ARHGAP20: variants seen among roughly 807,000 people sequenced by gnomAD.
ARHGAP20 encodes rho GTPase-activating protein 20.
In ARHGAP20, 34 loss-of-function variants were observed where a neutral mutation model predicts 73.7. The ratio of observed to expected loss-of-function variants is 0.46; its 90% CI spans 0.35 to 0.61. The LOEUF (loss-of-function observed/expected upper bound fraction) is 0.61, where lower values mean the gene tolerates loss of function less well. Among genes scored for constraint, ARHGAP20 ranks in the 20% least tolerant of loss-of-function variants. The pLI is 0.00. For missense variants in ARHGAP20, 1,314 were observed against 1,420.9 expected (o/e 0.92, Z 1.21); for synonymous variants, 523 against 518.2 (o/e 1.01, Z -0.13).
intron 1 of ARHGAP20, chr11:110,711,857 G>T: frequency 7.6e-7 from 1 of 1,318,302 alleles, no homozygotes; most frequent in Non-Finnish European, 9.6e-7. Flanking sequence ...AACCGGCGGC[G>T]GATGGAGACG....
chr11:110,659,917 G>C (rs1949561948), intron 2 of ARHGAP20, among the ~76,000 whole-genome samples: 1 of 151,062 alleles, frequency 6.6e-6, no homozygotes, highest in Admixed American at 6.6e-5. Flanking sequence ...GGTGGGGGGA[G>C]TGGGGAGGGA....
chr11:110,624,548 C>T (rs1165231944), intron 3 of ARHGAP20, among the ~76,000 whole-genome samples: 2 of 151,216 alleles, frequency 1.3e-5, no homozygotes, highest in East Asian at 1.9e-4. Flanking sequence ...ACTTAGAGGA[C>T]GGGTCAATAG....
intron 2 of ARHGAP20, among the ~76,000 whole-genome samples, chr11:110,686,500 T>A (rs1392192818): frequency 6.6e-6 from 1 of 152,144 alleles, no homozygotes; most frequent in African/African-American, 2.4e-5. Flanking sequence ...TTTTCTTTTA[T>A]AACAAATATG....
intron 2 of ARHGAP20, among the ~76,000 whole-genome samples, chr11:110,657,748 A>G (rs1394567448): frequency 6.6e-6 from 1 of 152,068 alleles, no homozygotes; most frequent in Non-Finnish European, 1.5e-5. Flanking sequence ...TACAAAAATT[A>G]GCCCGGTGTG....
At chr11:110,693,909 A>G (rs947165738) in intron 1 of ARHGAP20, among the ~76,000 whole-genome samples, 2 of 151,862 alleles carry the variant, frequency 1.3e-5, no homozygotes, top group Admixed American at 1.3e-4. Flanking sequence ...AACTTCAAAC[A>G]GTATATAGTA....
At chr11:110,631,012 T>C (rs1048880896) in intron 2 of ARHGAP20, among the ~76,000 whole-genome samples, 4 of 152,182 alleles carry the variant, frequency 2.6e-5, no homozygotes, top group Non-Finnish European at 5.9e-5. Context: ...TATCTCAATA[T>C]AGATTCTACC....
At chr11:110,635,502 TAAGTAG>T (rs1225736622) in intron 2 of ARHGAP20, among the ~76,000 whole-genome samples, 1 of 152,166 alleles carries the variant, frequency 6.6e-6, no homozygotes, top group Non-Finnish European at 1.5e-5. Flanking sequence ...CAAGTAAGTA[TAAGTAG>T]TTTATAGTTC....
chr11:110,580,323 C>G lies in ARHGAP20; in HGVS notation c.2623G>C (p.Ala875Pro). The G allele has an allele frequency of 6.2e-7, 1 of 1,614,244 alleles. No homozygotes were observed. The highest frequency in any genetic ancestry group is 8.5e-7 in the Non-Finnish European group (1 of 1,180,042). ...TCCTCCTCTCCATGCAAGAGACCAG[C>G]TTCACAGCTGGTTTTATGTTGTTTC... ...SKKQHKTSCE[A>P]GLLHGEEDYL... Residue 875 changes from alanine to proline, a missense_variant, in exon 15 of 15, where the codon GCT becomes CCT. Coordinates refer to ENST00000683387, the MANE Select transcript of ARHGAP20 (RefSeq NM_001384657.1).
At chr11:110,646,954 A>G (rs962628893) in intron 2 of ARHGAP20, among the ~76,000 whole-genome samples, 1 of 152,120 alleles carries the variant, frequency 6.6e-6, no homozygotes, top group African/African-American at 2.4e-5. Context: ...TGTTCAAGAA[A>G]ATTTTCAAAA....
chr11:110,641,005 G>A (rs1949066551), intron 2 of ARHGAP20, among the ~76,000 whole-genome samples: 1 of 152,056 alleles, frequency 6.6e-6, no homozygotes, highest in South Asian at 2.1e-4. Flanking sequence ...CAAAATGAAT[G>A]AAGACAGGAT....
At chr11:110,627,987 A>G (rs990561088) in intron 3 of ARHGAP20, among the ~76,000 whole-genome samples, 1 of 152,368 alleles carries the variant, frequency 6.6e-6, no homozygotes, top group Admixed American at 6.5e-5. Flanking sequence ...AACAATTTTC[A>G]GCAAACATTG....
At chr11:110,585,275 T>C (rs926378313) in intron 12 of ARHGAP20, among the ~76,000 whole-genome samples, 2 of 152,012 alleles carry the variant, frequency 1.3e-5, no homozygotes, top group African/African-American at 4.8e-5. Context: ...AGAGTCATAA[T>C]TTTACCTTTT....
chr11:110,648,692 A>G (rs1949282684), intron 2 of ARHGAP20, among the ~76,000 whole-genome samples: 1 of 151,982 alleles, frequency 6.6e-6, no homozygotes, highest in Non-Finnish European at 1.5e-5. Flanking sequence ...CATATTGACC[A>G]GGTTGGTCTT....
chr11:110,579,104 T>C lies in ARHGAP20; in HGVS notation c.*266A>G. 3 of 1,081,464 alleles carry C rather than the reference T, an allele frequency of 2.8e-6. No individual in the cohort carries two copies. The highest frequency in any genetic ancestry group is 3.4e-6 in the Non-Finnish European group (3 of 888,316). The allele number at this position is 1,081,464 out of a possible 1,614,324, so 67.0% of individuals were successfully genotyped here. The stretch of plus-strand genomic sequence containing the variant: ...GCAGAAGATGCTTTCTCTAGCCCTC[T>C]GTTAGTATCTCTAAAACCACATGAC... On this transcript the variant is annotated 3_prime_UTR_variant, in exon 15 of 15. Coordinates refer to ENST00000683387, the MANE Select transcript of ARHGAP20 (RefSeq NM_001384657.1).
chr11:110,666,553 C>T (rs1949728298), intron 2 of ARHGAP20, among the ~76,000 whole-genome samples: 1 of 152,094 alleles, frequency 6.6e-6, no homozygotes, highest in Non-Finnish European at 1.5e-5. Context: ...TGTAAACATA[C>T]CTTGTTTTAT....
intron 2 of ARHGAP20, among the ~76,000 whole-genome samples, chr11:110,678,525 A>C (rs977163585): frequency 6.6e-5 from 10 of 152,218 alleles, no homozygotes; most frequent in African/African-American, 2.4e-4. Context: ...AGAATACATA[A>C]AACATATTAA....
intron 3 of ARHGAP20, among the ~76,000 whole-genome samples, chr11:110,629,680 T>A (rs796094470): frequency 4.6e-5 from 7 of 152,376 alleles, no homozygotes; most frequent in African/African-American, 1.7e-4. Flanking sequence ...CCGTTTCTTA[T>A]AAATGTGTAT....
intron 11 of ARHGAP20, among the ~76,000 whole-genome samples, chr11:110,587,351 T>C (rs1354162152): frequency 6.6e-6 from 1 of 152,246 alleles, no homozygotes; most frequent in African/African-American, 2.4e-5. Context: ...TGCAATTTCA[T>C]GCTTGCAACA....
At chr11:110,648,240 A>AATATATATATGTAC (rs1949264792) in intron 2 of ARHGAP20, among the ~76,000 whole-genome samples, 7 of 92,728 alleles carry the variant, frequency 7.5e-5, no homozygotes, top group African/African-American at 2.2e-4. Context: ...TATATATGTA[A>AATATATATATGTAC]ATATATATAT....
Sources: allele counts gnomAD v4.1 joint callset (sites outside exome capture counted in the v4.1 genomes callset), GRCh38; gene constraint gnomAD v4.1.1; transcripts MANE v1.5; gene names NCBI Gene and HGNC (gene_info 2026-07-23, HGNC 2026-07-21).